Variants in KLHDC4 observed in about 807,000 individuals in gnomAD.
KLHDC4 encodes the protein kelch domain-containing protein 4.
In KLHDC4, 90 loss-of-function variants were observed where a neutral mutation model predicts 62.4. That is an observed-to-expected ratio of 1.44 (90% CI 1.22 to 1.72). The LOEUF (loss-of-function observed/expected upper bound fraction) is 1.72. Ranked by LOEUF, KLHDC4 falls within the 40% of genes most tolerant of loss-of-function variation. KLHDC4 has a pLI of 0.00. For missense variants in KLHDC4, 1,025 were observed against 699.7 expected, an observed-to-expected ratio of 1.47 and a Z score of -5.25; for synonymous variants, 386 against 284.4, an observed-to-expected ratio of 1.36 and a Z score of -3.59.
chr16:87,736,842 C>T (rs571706773), intron 5 of KLHDC4, among the ~76,000 whole-genome samples: 4 of 152,130 alleles, frequency 2.6e-5, no homozygotes, highest in South Asian at 2.1e-4. Flanking sequence ...ACAAGGAAAT[C>T]GGCCGGGCGC....
intron 5 of KLHDC4, among the ~76,000 whole-genome samples, chr16:87,737,450 T>C (rs1309734893): frequency 1.3e-5 from 2 of 151,992 alleles, no homozygotes; most frequent in Non-Finnish European, 2.9e-5. Context: ...TAGCCGAGCG[T>C]GGTGGTGCGC....
chr16:87,723,857 A>C (rs1465357352), intron 7 of KLHDC4, among the ~76,000 whole-genome samples: 1 of 152,128 alleles, frequency 6.6e-6, no homozygotes, highest in African/African-American at 2.4e-5. Flanking sequence ...CTTTTTTTTG[A>C]GATGAGTCTT....
chr16:87,765,281 C>T (rs769209777), intron 1 of KLHDC4: 1 of 456,046 alleles, frequency 2.2e-6, no homozygotes, highest in African/African-American at 2.0e-5. Flanking sequence ...GCTCCAGTGC[C>T]TTCTTCACTT....
rs1567642322 is a variant in KLHDC4 at position 87,707,937 on chromosome 16, A to G, written c.*140T>C. 2.2e-6 allele frequency: 1 copy of G among 464,502 alleles called. No homozygotes were observed. 28.8% of individuals were successfully genotyped at this position (464,502 alleles called of 1,614,324 possible). On this transcript the variant is annotated 3_prime_UTR_variant, in exon 12 of 12. Transcript: ENST00000270583. ...GACTAAACCATGGGAGAAAGTTCACACCCTGGCCTGGGCCACCCACCTTCA... is the reference window on the plus strand; with the variant it reads ...GACTAAACCATGGGAGAAAGTTCACGCCCTGGCCTGGGCCACCCACCTTCA...
intron 7 of KLHDC4, among the ~76,000 whole-genome samples, chr16:87,717,057 C>G (rs375557307): frequency 3.2e-4 from 49 of 152,184 alleles, no homozygotes; most frequent in African/African-American, 1.1e-3. Flanking sequence ...TGGCAAAAAC[C>G]CATCTCTCCC....
intron 5 of KLHDC4, among the ~76,000 whole-genome samples, chr16:87,737,556 C>A (rs959299268): frequency 4.2e-4 from 64 of 151,792 alleles, no homozygotes; most frequent in African/African-American, 1.5e-3. Flanking sequence ...CCACCGCACT[C>A]CAGCTCACCT....
chr16:87,709,895 A>C, intron 9 of KLHDC4: 2 of 563,904 alleles, frequency 3.5e-6, no homozygotes, highest in Non-Finnish European at 6.2e-6. Context: ...TGGGGCAGAA[A>C]ACCCCCCACT....
At chr16:87,730,342 A>G (rs2040121509) in intron 6 of KLHDC4, among the ~76,000 whole-genome samples, 1 of 152,270 alleles carries the variant, frequency 6.6e-6, no homozygotes, top group Admixed American at 6.5e-5. Flanking sequence ...ACAATGGTTA[A>G]GAATTTCAAT....
At chr16:87,761,309 C>T (rs1305956966) in intron 2 of KLHDC4, among the ~76,000 whole-genome samples, 2 of 152,154 alleles carry the variant, frequency 1.3e-5, no homozygotes, top group African/African-American at 2.4e-5. Flanking sequence ...CTCATTAATG[C>T]AAACGCAGCA....
At chr16:87,707,572 G>A (rs140187640), downstream of KLHDC4, among the ~76,000 whole-genome samples, 3 of 152,334 alleles carry the variant, frequency 2.0e-5, no homozygotes, top group South Asian at 4.1e-4. Context: ...CTGATCCCAA[G>A]TGTGAATATG....
chr16:87,765,225 G>C (rs1466442833), intron 1 of KLHDC4: 1 of 456,088 alleles, frequency 2.2e-6, no homozygotes, highest in Non-Finnish European at 4.4e-6. Context: ...CAGAGGGAAG[G>C]AGACAACCGT....
chr16:87,759,061 G>A (rs1018020600), intron 2 of KLHDC4, among the ~76,000 whole-genome samples: 4 of 152,130 alleles, frequency 2.6e-5, no homozygotes, highest in Non-Finnish European at 5.9e-5. Context: ...TGTAATCCCA[G>A]CTACTTGGGA....
intron 3 of KLHDC4, chr16:87,755,524 C>G (rs1389309001): frequency 7.6e-6 from 3 of 394,974 alleles, no homozygotes; most frequent in Non-Finnish European, 1.4e-5. Context: ...TGAAAGCCCT[C>G]GTTGTTATTA....
chr16:87,727,700 C>A (rs1249887136), intron 6 of KLHDC4, among the ~76,000 whole-genome samples: 1 of 152,128 alleles, frequency 6.6e-6, no homozygotes, highest in East Asian at 1.9e-4. Context: ...ACACAATTAT[C>A]GTGAAAGCGT....
chr16:87,746,430 C>A (rs1207936487), intron 5 of KLHDC4, among the ~76,000 whole-genome samples: 3 of 152,076 alleles, frequency 2.0e-5, no homozygotes, highest in African/African-American at 7.2e-5. Flanking sequence ...TAAGCGCACA[C>A]CCTCCATTCC....
exon 1 of KLHDC4, chr16:87,701,537 T>C (rs1244215308): frequency 7.7e-6 from 3 of 388,826 alleles, no homozygotes; most frequent in Non-Finnish European, 1.6e-5. Flanking sequence ...CAGGCCACAG[T>C]GTGGGCGTGA....
At chr16:87,702,224 A>G in exon 1 of KLHDC4, 1 of 456,334 alleles carries the variant, frequency 2.2e-6, no homozygotes, top group Admixed American at 2.3e-5. Context: ...CATGACAGCC[A>G]ACTCCTCCTC....
chr16:87,753,989 A>AC (rs1048870378), intron 4 of KLHDC4, among the ~76,000 whole-genome samples: 27 of 150,240 alleles, frequency 1.8e-4, no homozygotes, highest in African/African-American at 6.1e-4. Context: ...AAAAAAAAAA[A>AC]AGTAGCCGGA....
intron 5 of KLHDC4, among the ~76,000 whole-genome samples, chr16:87,744,003 G>C (rs1039793762): frequency 3.9e-5 from 6 of 152,176 alleles, no homozygotes; most frequent in Non-Finnish European, 8.8e-5. Flanking sequence ...TGAGGGCCAG[G>C]CGTGGTGGCT....
Sources: allele counts gnomAD v4.1 joint callset (sites outside exome capture counted in the v4.1 genomes callset), GRCh38; gene constraint gnomAD v4.1.1; transcripts MANE v1.5; gene names NCBI Gene and HGNC (gene_info 2026-07-23, HGNC 2026-07-21).